The following TRPM3 variants were observed in gnomAD, a reference collection of about 807,000 sequenced individuals.
TRPM3 encodes transient receptor potential cation channel subfamily M member 3, also known as long transient receptor potential channel 3.
In TRPM3, 77 loss-of-function variants were observed where a neutral mutation model predicts 181.2. The ratio of observed to expected loss-of-function variants is 0.42; its 90% CI spans 0.35 to 0.51. The LOEUF (loss-of-function observed/expected upper bound fraction) is 0.51, where lower values mean the gene tolerates loss of function less well. TRPM3 is among the 20% of genes least tolerant of loss of function. The pLI is 0.01. For missense variants in TRPM3, 1,759 were observed against 2,196.7 expected (o/e 0.80, Z 3.98); for synonymous variants, 745 against 796.4 (o/e 0.94, Z 1.09).
chr9:71,331,268 A>G (rs1166392095), intron 1 of TRPM3, among the ~76,000 whole-genome samples: 2 of 151,946 alleles, frequency 1.3e-5, no homozygotes, highest in East Asian at 3.8e-4. Context: ...TAGATTGTGA[A>G]ATCTGAAAAT....
At chr9:70,851,480 C>A (rs1323151755) in intron 3 of TRPM3, among the ~76,000 whole-genome samples, 1 of 152,126 alleles carries the variant, frequency 6.6e-6, no homozygotes, top group Non-Finnish European at 1.5e-5. Context: ...AGATAATTTA[C>A]TTTAGGACTT....
chr9:71,357,926 G>A (rs1347845752), intron 1 of TRPM3, among the ~76,000 whole-genome samples: 1 of 152,020 alleles, frequency 6.6e-6, no homozygotes, highest in Admixed American at 6.6e-5. Flanking sequence ...ACAAATTTCT[G>A]TTTGTCAAAA....
At chr9:70,689,408 A>C (rs2067864763) in intron 8 of TRPM3, among the ~76,000 whole-genome samples, 1 of 152,148 alleles carries the variant, frequency 6.6e-6, no homozygotes, top group South Asian at 2.1e-4. Context: ...ATAGAAGGGC[A>C]CAGTTTTAAG....
intron 1 of TRPM3, among the ~76,000 whole-genome samples, chr9:71,052,079 C>T (rs2060127706): frequency 6.6e-6 from 1 of 152,010 alleles, no homozygotes; most frequent in Non-Finnish European, 1.5e-5. Context: ...TGGTAAAGTT[C>T]ACACAGGTAG....
At chr9:70,825,871 A>C (rs898687182) in intron 6 of TRPM3, 2 of 152,322 alleles carry the variant, frequency 1.3e-5, no homozygotes, top group Admixed American at 1.3e-4. Flanking sequence ...GGAAGGTGCC[A>C]AAGTTTGACT....
At chr9:71,348,552 ATATT>A (rs952093039) in intron 1 of TRPM3, among the ~76,000 whole-genome samples, 4 of 148,488 alleles carry the variant, frequency 2.7e-5, no homozygotes, top group African/African-American at 7.5e-5. Context: ...ATTTATTTAT[ATATT>A]TATTTATTTA....
In TRPM3 at chr9:71,230,574, C is replaced by T. The variant is rs182734732; in HGVS notation, c.183+216079G>A. Reference sequence around the variant, plus strand: ...TGCCTGTATTGAATATCCCTATACCCCATTAATATATATGCCTACTGTGTA... The same window carrying T: ...TGCCTGTATTGAATATCCCTATACCTCATTAATATATATGCCTACTGTGTA... On this transcript the variant is annotated intron_variant, in intron 1 of 24. Transcript: ENST00000357533. Among the ~76,000 whole-genome samples the T allele has an allele frequency of 3.3e-5, 5 of 152,152 alleles. No homozygotes were observed. The East Asian group carries it at 7.7e-4, about 23-fold the overall frequency.
At chr9:70,809,417 T>C (rs926075297) in intron 6 of TRPM3, among the ~76,000 whole-genome samples, 1 of 152,232 alleles carries the variant, frequency 6.6e-6, no homozygotes, top group African/African-American at 2.4e-5. Flanking sequence ...GCACCATTCA[T>C]GGTAAGTGCC....
chr9:70,748,166 T>C (rs896241126), intron 8 of TRPM3, among the ~76,000 whole-genome samples: 1 of 152,164 alleles, frequency 6.6e-6, no homozygotes, highest in African/African-American at 2.4e-5. Flanking sequence ...GTTGATAGCC[T>C]CAAATGCTAT....
At chr9:70,939,025 T>G (rs1382056316) in intron 1 of TRPM3, among the ~76,000 whole-genome samples, 15 of 152,140 alleles carry the variant, frequency 9.9e-5, no homozygotes, top group Admixed American at 7.2e-4. Flanking sequence ...AAGTTCACTT[T>G]GCATAATACA....
intron 1 of TRPM3, among the ~76,000 whole-genome samples, chr9:71,406,237 T>A (rs1297511415): frequency 6.6e-6 from 1 of 152,090 alleles, no homozygotes; most frequent in Non-Finnish European, 1.5e-5. Context: ...TTAATATTTG[T>A]CAAATGAAAG....
At chr9:70,748,083 A>T (rs771232603) in intron 8 of TRPM3, among the ~76,000 whole-genome samples, 3 of 152,220 alleles carry the variant, frequency 2.0e-5, no homozygotes, top group Non-Finnish European at 4.4e-5. Flanking sequence ...TGGTAACAGA[A>T]GTGTTAAAGA....
chr9:71,039,104 C>A (rs2058535458), intron 1 of TRPM3, among the ~76,000 whole-genome samples: 1 of 152,114 alleles, frequency 6.6e-6, no homozygotes, highest in South Asian at 2.1e-4. Context: ...TATTAATCAC[C>A]TTTTTACCCA....
intron 1 of TRPM3, among the ~76,000 whole-genome samples, chr9:70,894,513 A>G (rs1485555083): frequency 6.6e-6 from 1 of 152,192 alleles, no homozygotes; most frequent in African/African-American, 2.4e-5. Flanking sequence ...GGATATTTCT[A>G]TTAAACACAT....
intron 22 of TRPM3, among the ~76,000 whole-genome samples, chr9:70,569,715 C>T (rs1219320825): frequency 2.0e-5 from 3 of 152,124 alleles, no homozygotes; most frequent in African/African-American, 7.2e-5. Flanking sequence ...TTATGGCTTT[C>T]AAAATCCAAG....
chr9:71,194,292 C>T (rs954329239), intron 1 of TRPM3, among the ~76,000 whole-genome samples: 1 of 151,856 alleles, frequency 6.6e-6, no homozygotes, highest in Non-Finnish European at 1.5e-5. Context: ...ATATGGCAAC[C>T]AGGAGGATTG....
At chr9:71,320,259 C>T (rs2089079365) in intron 1 of TRPM3, among the ~76,000 whole-genome samples, 1 of 151,804 alleles carries the variant, frequency 6.6e-6, no homozygotes, top group Non-Finnish European at 1.5e-5. Context: ...CAGAGTGAAG[C>T]CAATTCTAGA....
intron 1 of TRPM3, among the ~76,000 whole-genome samples, chr9:71,392,151 G>C (rs908696558): frequency 7.9e-5 from 12 of 152,074 alleles, no homozygotes; most frequent in Admixed American, 3.9e-4. Context: ...TGGTGAAATA[G>C]AGTGTGCTTG....
chr9:71,246,962 C>CTGTTGTTTG (rs2082067972), intron 1 of TRPM3, among the ~76,000 whole-genome samples: 2 of 152,154 alleles, frequency 1.3e-5, no homozygotes, highest in Admixed American at 1.3e-4. Flanking sequence ...CTATTTCAAA[C>CTGTTGTTTG]CCCAGACTGT....
Sources: allele counts gnomAD v4.1 joint callset (sites outside exome capture counted in the v4.1 genomes callset), GRCh38; gene constraint gnomAD v4.1.1; transcripts MANE v1.5; gene names NCBI Gene and HGNC (gene_info 2026-07-23, HGNC 2026-07-21).